Variants in NELL2 observed in about 807,000 individuals in gnomAD.
NELL2 encodes the protein neural EGFL like 2.
A neutral mutation model predicts 109.6 loss-of-function variants in NELL2; 41 were observed. The observed-to-expected ratio is 0.37, with a 90% CI of 0.29 to 0.49. NELL2 has a LOEUF of 0.49. Among genes scored for constraint, NELL2 ranks in the 20% least tolerant of loss-of-function variants. NELL2 has a pLI of 0.98. For missense variants in NELL2, 900 were observed against 1,008.3 expected (o/e 0.89, Z 1.45); for synonymous variants, 355 against 344.7 (o/e 1.03, Z -0.33).
intron 2 of NELL2, among the ~76,000 whole-genome samples, chr12:44,831,250 C>T (rs1404922864): frequency 1.3e-5 from 2 of 152,084 alleles, no homozygotes; most frequent in Non-Finnish European, 2.9e-5. Flanking sequence ...TAACCATTCC[C>T]AGGAGCCACA....
chr12:44,833,899 C>G lies in NELL2; in HGVS notation c.185-17763G>C, dbSNP rs186143855. On this transcript the variant is annotated intron_variant, in intron 2 of 19. Coordinates refer to ENST00000429094, the MANE Select transcript of NELL2 (RefSeq NM_001145108.2). The stretch of plus-strand genomic sequence containing the variant: ...GTTAGGATTTAAAATCCTATTGAAA[C>G]GAAAGTATCGGAGTGGAGTTTAAAA... Among the ~76,000 whole-genome samples the G allele has an allele frequency of 1.4e-4, 22 of 152,268 alleles. No individual in the cohort carries two copies. The East Asian group carries it at 3.7e-3, about 25-fold the overall frequency.
chr12:44,662,243 TA>T (rs2136333981), intron 13 of NELL2, among the ~76,000 whole-genome samples: 1 of 152,282 alleles, frequency 6.6e-6, no homozygotes, highest in African/African-American at 2.4e-5. Context: ...ATCTGTAGGG[TA>T]AAAATTTCTC....
At chr12:44,622,921 T>C (rs376931821) in intron 13 of NELL2, among the ~76,000 whole-genome samples, 1 of 152,190 alleles carries the variant, frequency 6.6e-6, no homozygotes, top group Non-Finnish European at 1.5e-5. Flanking sequence ...TACATTGTTC[T>C]TGATAAAACA....
At chr12:44,747,080 A>G (rs186765479) in intron 9 of NELL2, among the ~76,000 whole-genome samples, 3,045 of 152,334 alleles carry the variant, frequency 0.02, 98 homozygotes, top group African/African-American at 0.069. Context: ...CTGGATTAAG[A>G]AAATGTGGCA....
chr12:44,813,158 T>C (rs1943233970), intron 3 of NELL2, among the ~76,000 whole-genome samples: 1 of 152,194 alleles, frequency 6.6e-6, no homozygotes, highest in Admixed American at 6.5e-5. Context: ...GAGCTATGAC[T>C]GGAATATATG....
At chr12:44,824,629 T>C (rs1707752759) in intron 2 of NELL2, among the ~76,000 whole-genome samples, 1 of 151,936 alleles carries the variant, frequency 6.6e-6, no homozygotes, top group Admixed American at 6.6e-5. Context: ...TTTATGCCAG[T>C]ACCATGCTGT....
intron 1 of NELL2, chr12:44,875,582 T>G: frequency 6.2e-7 from 1 of 1,613,654 alleles, no homozygotes; most frequent in South Asian, 1.1e-5. Flanking sequence ...CCCTTCTCTC[T>G]GCAAAGTTCC....
rs61292692 is a variant in NELL2 at position 44,723,203 on chromosome 12, A to AC, written c.995-8463dup. Reference sequence around the variant, plus strand: ...AAGACTCCGTCTCAAAAAAAAAAAAACTCAATGCCCTATTTGCATGCTAGA... The same window carrying AC: ...AAGACTCCGTCTCAAAAAAAAAAAAACCTCAATGCCCTATTTGCATGCTAGA... On this transcript the variant is annotated intron_variant, in intron 9 of 19. Transcript: ENST00000429094. 4.7e-4 allele frequency among the ~76,000 whole-genome samples: 71 copies of AC among 151,906 alleles called. No individual in the cohort carries two copies. In the Middle Eastern group the frequency reaches 0.01, roughly 22 times the overall value.
At chr12:44,697,148 C>T (rs929547041) in intron 12 of NELL2, among the ~76,000 whole-genome samples, 5 of 152,088 alleles carry the variant, frequency 3.3e-5, no homozygotes, top group Non-Finnish European at 7.4e-5. Context: ...TAACTAAAGA[C>T]CAAAACACTT....
intron 15 of NELL2, among the ~76,000 whole-genome samples, chr12:44,543,477 G>A (rs1942665215): frequency 6.6e-6 from 1 of 152,132 alleles, no homozygotes. Flanking sequence ...GTCAGATTGT[G>A]TCATACTTAT....
At chr12:44,630,088 C>T (rs909199889) in intron 13 of NELL2, among the ~76,000 whole-genome samples, 2 of 152,060 alleles carry the variant, frequency 1.3e-5, no homozygotes, top group Non-Finnish European at 2.9e-5. Context: ...AACATTCTAC[C>T]GCTTTGAAGA....
chr12:44,655,012 G>T (rs1947447797), intron 13 of NELL2, among the ~76,000 whole-genome samples: 1 of 152,184 alleles, frequency 6.6e-6, no homozygotes, highest in African/African-American at 2.4e-5. Flanking sequence ...GCAGGTGTCT[G>T]TTGCTAAGAC....
chr12:44,893,141 G>C (rs1212574085), intron 1 of NELL2, among the ~76,000 whole-genome samples: 1 of 152,112 alleles, frequency 6.6e-6, no homozygotes, highest in African/African-American at 2.4e-5. Flanking sequence ...GTAGAATCAT[G>C]CTCCCTGTGA....
At chr12:44,678,664 A>C (rs1233852987) in intron 12 of NELL2, among the ~76,000 whole-genome samples, 3 of 152,082 alleles carry the variant, frequency 2.0e-5, no homozygotes, top group Admixed American at 6.6e-5. Flanking sequence ...GTCAGAGTGG[A>C]TTCTGTTGTT....
intron 2 of NELL2, among the ~76,000 whole-genome samples, chr12:44,831,153 T>C (rs556657262): frequency 1.3e-5 from 2 of 152,080 alleles, no homozygotes; most frequent in South Asian, 4.1e-4. Context: ...ATATTACCCC[T>C]GTATAAAATA....
intron 9 of NELL2, among the ~76,000 whole-genome samples, chr12:44,761,301 G>T (rs868381578): frequency 6.6e-6 from 1 of 152,176 alleles, no homozygotes; most frequent in Non-Finnish European, 1.5e-5. Context: ...CCGGGAGGCG[G>T]AGGTTGCGGT....
At chr12:44,638,057 T>C (rs1474035702) in intron 13 of NELL2, among the ~76,000 whole-genome samples, 14 of 152,036 alleles carry the variant, frequency 9.2e-5, no homozygotes, top group African/African-American at 3.4e-4. Context: ...CCAGTAACTC[T>C]TTCACTCTCA....
intron 14 of NELL2, among the ~76,000 whole-genome samples, chr12:44,608,302 A>G (rs1198586066): frequency 6.6e-6 from 1 of 152,058 alleles, no homozygotes; most frequent in Non-Finnish European, 1.5e-5. Context: ...CTGAAATTCT[A>G]GTGATGAGTT....
At chr12:44,824,525 C>CT (rs1399187058) in intron 2 of NELL2, among the ~76,000 whole-genome samples, 1 of 151,970 alleles carries the variant, frequency 6.6e-6, no homozygotes, top group African/African-American at 2.4e-5. Flanking sequence ...CCCTCGTATG[C>CT]TGTTGGCACT....
Sources: gnomAD v4.1 joint callset for allele counts (sites outside exome capture counted in the v4.1 genomes callset) on GRCh38, gnomAD v4.1.1 for gene constraint, MANE v1.5 for transcripts, NCBI Gene and HGNC (gene_info 2026-07-23, HGNC 2026-07-21) for gene names.